The following ATP10B variants were observed in gnomAD, a reference collection of about 807,000 sequenced individuals.
ATP10B encodes the protein ATPase phospholipid transporting 10B (putative), also known as phospholipid-transporting ATPase VB.
In ATP10B, 122 loss-of-function variants were observed where a neutral mutation model predicts 141.2. That is an observed-to-expected ratio of 0.86 (90% CI 0.75 to 1.00). The LOEUF (loss-of-function observed/expected upper bound fraction) is 1.00. Among genes scored for constraint, ATP10B ranks in the 50% least tolerant of loss-of-function variants. The pLI is 0.00. For missense variants in ATP10B, 1,876 were observed against 1,825.3 expected (o/e 1.03, Z -0.51); for synonymous variants, 685 against 692.0 (o/e 0.99, Z 0.16).
rs1267723775 is a variant in ATP10B, at chr5:160,816,125, A to G, written c.-575-30322T>C. The stretch of plus-strand genomic sequence containing the variant: ...GAACTAGAGAAGCAAGAGCAAACAC[A>G]TTCAAAAGCTAGCAGAAGGCAAGAA... On this transcript the variant is annotated intron_variant, in intron 1 of 25. Transcript: ENST00000327245. 3.3e-5 allele frequency among the ~76,000 whole-genome samples: 5 copies of G among 150,548 alleles called. No individual in the cohort carries two copies. In the South Asian group the frequency reaches 8.5e-4, roughly 26 times the overall value.
At chr5:160,706,858 G>A (rs1229384813) in intron 3 of ATP10B, among the ~76,000 whole-genome samples, 1 of 152,144 alleles carries the variant, frequency 6.6e-6, no homozygotes, top group Non-Finnish European at 1.5e-5. Context: ...AGTAGAGACT[G>A]GCCTTAGTGT....
At chr5:160,864,340 C>T in the ATP10B span, among the ~76,000 whole-genome samples, 1 of 151,964 alleles carries the variant, frequency 6.6e-6, no homozygotes, top group African/African-American at 2.4e-5. Flanking sequence ...ATGTGATCAT[C>T]TCAATAGACA....
Position 160,576,435 on chromosome 5 carries a change from G to C in ATP10B, c.3751-6752C>G, listed in dbSNP as rs562541201. 3.9e-5 allele frequency among the ~76,000 whole-genome samples: 6 copies of C among 152,338 alleles called. No individual in the cohort carries two copies. The South Asian group carries it at 1.2e-3, about 32-fold the overall frequency. On this transcript the variant is annotated intron_variant, in intron 24 of 25. Coordinates refer to ENST00000327245, the MANE Select transcript of ATP10B (RefSeq NM_025153.3). ...GGAAGCAGTTATCTTTGAGTCTACA[G>C]CCAAGAATCTGGCCATGAGCCTAAG...
intron 1 of ATP10B, among the ~76,000 whole-genome samples, chr5:160,810,160 AGTTT>A (rs778684228): frequency 6.6e-6 from 1 of 151,938 alleles, no homozygotes; most frequent in Non-Finnish European, 1.5e-5. Flanking sequence ...CTAGTTCATT[AGTTT>A]GTTTTTTAAA....
the ATP10B span, among the ~76,000 whole-genome samples, chr5:160,873,999 G>T: frequency 6.6e-6 from 1 of 152,250 alleles, no homozygotes; most frequent in South Asian, 2.1e-4. Context: ...GGTAAACAAA[G>T]CAGCCCAGAA....
intron 1 of ATP10B, among the ~76,000 whole-genome samples, chr5:160,821,355 G>C (rs1466632328): frequency 6.6e-6 from 1 of 151,890 alleles, no homozygotes; most frequent in Non-Finnish European, 1.5e-5. Flanking sequence ...GCTGATGTAA[G>C]AAATTAAATA....
At chr5:160,727,511 G>A (rs1002252681) in intron 2 of ATP10B, among the ~76,000 whole-genome samples, 7 of 152,104 alleles carry the variant, frequency 4.6e-5, no homozygotes, top group Admixed American at 1.3e-4. Context: ...CCTGGCTTCC[G>A]GTCATCTCTA....
chr5:160,641,688 C>T lies in ATP10B; in HGVS notation c.869-1096G>A, dbSNP rs188592705. ...GACTTTGTCTTTAGACAGAGCCTCT[C>T]CTTTGGGGCTGCTGAATGTTAACTA... is the stretch of plus-strand genomic sequence containing the variant. On this transcript the variant is annotated intron_variant, in intron 9 of 25. Coordinates refer to ENST00000327245, the MANE Select transcript of ATP10B (RefSeq NM_025153.3). Among the ~76,000 whole-genome samples, 5 of 152,254 alleles carry T rather than the reference C, an allele frequency of 3.3e-5. No individual in the cohort carries two copies. The East Asian group carries it at 9.7e-4, about 29-fold the overall frequency.
the ATP10B span, among the ~76,000 whole-genome samples, chr5:160,906,401 A>G: frequency 7.2e-5 from 11 of 152,148 alleles, no homozygotes; most frequent in Admixed American, 7.2e-4. Flanking sequence ...GGGGTTCCAC[A>G]GACCCTAAGG....
intron 2 of ATP10B, among the ~76,000 whole-genome samples, chr5:160,735,466 C>A (rs1334494649): frequency 6.6e-6 from 1 of 152,002 alleles, no homozygotes; most frequent in Non-Finnish European, 1.5e-5. Flanking sequence ...AATCTACATG[C>A]ACCCAACACT....
chr5:160,701,627 T>C (rs1764683035), intron 3 of ATP10B, among the ~76,000 whole-genome samples: 1 of 151,848 alleles, frequency 6.6e-6, no homozygotes, highest in Non-Finnish European at 1.5e-5. Context: ...CTGCTGGAAG[T>C]AGTCACCCCC....
chr5:160,686,683 T>G (rs990627358), intron 5 of ATP10B, among the ~76,000 whole-genome samples: 2 of 152,214 alleles, frequency 1.3e-5, no homozygotes, highest in African/African-American at 4.8e-5. Context: ...TAGATTTAAA[T>G]TCTGTTCCTG....
At chr5:160,880,400 C>T in the ATP10B span, among the ~76,000 whole-genome samples, 1 of 151,720 alleles carries the variant, frequency 6.6e-6, no homozygotes, top group African/African-American at 2.4e-5. Context: ...CAATACAATC[C>T]CATTCAAAAT....
Position 160,598,862 on chromosome 5 carries a change from G to A in ATP10B, c.3472C>T (p.Pro1158Ser). The change falls in exon 22 of 26, where the codon CCT becomes TCT. Residue 1158 changes from proline to serine, a missense_variant. Transcript: ENST00000327245. ...TCAAGGACTCCAAAGACAAGAGGAGGCAAGGAGGTAAAGAAGAGATTGAAG... is the reference window on the plus strand; with the variant it reads ...TCAAGGACTCCAAAGACAAGAGGAGACAAGGAGGTAAAGAAGAGATTGAAG... ...IFFNLFFTSL[P>S]PLVFGVLDKD... 1 of 1,614,166 alleles carries A rather than the reference G, an allele frequency of 6.2e-7. No homozygotes were observed. Among genetic ancestry groups the A allele is most frequent in the Non-Finnish European group, 8.5e-7 (1 of 1,179,994 alleles).
intron 7 of ATP10B, among the ~76,000 whole-genome samples, chr5:160,656,358 A>G (rs988272519): frequency 2.0e-4 from 31 of 152,118 alleles, no homozygotes; most frequent in Non-Finnish European, 3.2e-4. Context: ...CTTTGACTTG[A>G]GTGGAATGAC....
chr5:160,892,445 A>C, the ATP10B span, among the ~76,000 whole-genome samples: 1 of 152,190 alleles, frequency 6.6e-6, no homozygotes, highest in Admixed American at 6.5e-5. Flanking sequence ...ACCATTCCTT[A>C]TGCTTTACAT....
the ATP10B span, among the ~76,000 whole-genome samples, chr5:160,870,746 A>C: frequency 6.6e-6 from 1 of 151,986 alleles, no homozygotes; most frequent in African/African-American, 2.4e-5. Flanking sequence ...TGCCAAAAAA[A>C]AACACAAAAA....
rs1759188139 is a variant in ATP10B, at chr5:160,634,383, A to T, written c.1352T>A (p.Met451Lys). ...TTCTTGGTGAGAATACTCGCTGCCCATGATGGTGCAACGTCGGAACACCAT... is the reference window on the plus strand; with the variant it reads ...TTCTTGGTGAGAATACTCGCTGCCCTTGATGGTGCAACGTCGGAACACCAT... ...NKMVFRRCTI[M>K]GSEYSHQENA... Residue 451 changes from methionine to lysine, a missense_variant, in exon 12 of 26, where the codon ATG becomes AAG. By Grantham distance (95) the Met-to-Lys change is moderately conservative. Transcript: ENST00000327245. 4 of 1,614,072 alleles carry T rather than the reference A, an allele frequency of 2.5e-6. No individual in the cohort carries two copies. The highest frequency in any genetic ancestry group is 3.4e-6 in the Non-Finnish European group (4 of 1,180,032).
At chr5:160,827,612 G>T (rs1222385040) in intron 1 of ATP10B, among the ~76,000 whole-genome samples, 2 of 151,908 alleles carry the variant, frequency 1.3e-5, no homozygotes, top group East Asian at 3.9e-4. Flanking sequence ...TTGGTTTGTT[G>T]CAATGGCTTT....
Sources: allele counts gnomAD v4.1 joint callset (sites outside exome capture counted in the v4.1 genomes callset), GRCh38; gene constraint gnomAD v4.1.1; transcripts MANE v1.5; gene names NCBI Gene and HGNC (gene_info 2026-07-23, HGNC 2026-07-21).